Variants in ABCB9 observed in about 807,000 individuals in gnomAD.
ABCB9 encodes ABC-type oligopeptide transporter ABCB9.
Under a neutral mutation model 62.0 loss-of-function variants are expected in ABCB9, and 36 were observed. The ratio of observed to expected loss-of-function variants is 0.58; its 90% CI spans 0.45 to 0.77. The LOEUF is 0.77. ABCB9 is among the 30% of genes least tolerant of loss of function. The pLI, the probability that ABCB9 is intolerant of heterozygous loss-of-function variation, is 0.00. For missense variants in ABCB9, 943 were observed against 1,054.7 expected, an observed-to-expected ratio of 0.89 and a Z score of 1.47; for synonymous variants, 435 against 461.4, an observed-to-expected ratio of 0.94 and a Z score of 0.73.
At position 122,949,743 on chromosome 12, in the gene ABCB9, G is replaced by C. The variant is rs373845266; in HGVS notation, c.847+45C>G. 1.1e-5 allele frequency: 18 copies of C among 1,609,772 alleles called. No individual in the cohort carries two copies. In the African/African-American group the frequency reaches 2.1e-4, roughly 19 times the overall value. ...CTCAGTGCCAGGCAAGCCCACAGGG[G>C]TGGGGCCCAGCCCCCAGGACACCTA... On this transcript the variant is annotated intron_variant, in intron 4 of 11. Coordinates refer to ENST00000280560, the MANE Select transcript of ABCB9 (RefSeq NM_019625.4).
Position 122,960,066 on chromosome 12 carries a change from C to G in ABCB9, c.170G>C (p.Arg57Pro). ...GGTGGCTCCCAGCAGCAGGCAGCTG[C>G]GGTACAGGCAGGCTGCCCAGAGATC... ...VLDLWAACLY[R>P]SCLLLGATIG... Residue 57 changes from arginine to proline, a missense_variant, in exon 2 of 12, where the codon CGC becomes CCC. Physicochemically the swap from Arg to Pro is moderately radical, Grantham distance 103 (BLOSUM62 -2). Transcript: ENST00000280560. 1 of 1,613,490 alleles carries G rather than the reference C, an allele frequency of 6.2e-7. No homozygotes were observed. The highest frequency in any genetic ancestry group is 1.3e-5 in the African/African-American group (1 of 75,060).
At chr12:122,943,747 G>A (rs960397475) in intron 7 of ABCB9, among the ~76,000 whole-genome samples, 2 of 150,718 alleles carry the variant, frequency 1.3e-5, no homozygotes, top group African/African-American at 2.4e-5. Context: ...CTCCTGCCTC[G>A]GCCTCCTGAG....
chr12:122,920,906 CCT>C (rs963848867), downstream of ABCB9: 18 of 990,862 alleles, frequency 1.8e-5, no homozygotes, highest in Admixed American at 4.2e-5. Context: ...GAGTGAGACC[CCT>C]GTCTTAAAAA....
rs182773005 is a variant in ABCB9, at chr12:122,955,244, G to C, written c.601+4391C>G. Among the ~76,000 whole-genome samples the C allele has an allele frequency of 5.3e-5, 8 of 152,300 alleles. No individual in the cohort carries two copies. The East Asian group carries it at 1.5e-3, about 29-fold the overall frequency. ...TGCCTAAAGTTATCAGTGAAGTCGG[G>C]AGCCTGAGCCTCGAGTCTGCGCCCT... On this transcript the variant is annotated intron_variant, in intron 2 of 11. Transcript: ENST00000280560.
downstream of ABCB9, chr12:122,924,527 G>C (rs1449075648): frequency 2.7e-6 from 3 of 1,116,506 alleles, no homozygotes; most frequent in African/African-American, 4.8e-5. Context: ...TCTATGCTCA[G>C]CTCAAACATT....
At chr12:122,961,607 G>C (rs548385724) in intron 1 of ABCB9, among the ~76,000 whole-genome samples, 1 of 152,314 alleles carries the variant, frequency 6.6e-6, no homozygotes, top group African/African-American at 2.4e-5. Flanking sequence ...AAAGCACTTG[G>C]CACAGGTGAA....
chr12:122,957,973 T>C (rs550943915), intron 2 of ABCB9, among the ~76,000 whole-genome samples: 1 of 151,124 alleles, frequency 6.6e-6, no homozygotes, highest in East Asian at 2.0e-4. Context: ...AGTTTGAGAC[T>C]AGCCTGGCCA....
intron 4 of ABCB9, 143 bp downstream of exon 4, chr12:122,949,645 G>A: frequency 1.1e-5 from 13 of 1,138,672 alleles, no homozygotes; most frequent in Non-Finnish European, 1.6e-5. Context: ...CCAAGCCCAG[G>A]GTGTTCCCAG....
Position 122,947,675 on chromosome 12 carries a change from C to T in ABCB9, c.1053+949G>A, listed in dbSNP as rs1440688734. 2 of 285,736 alleles carry T rather than the reference C, an allele frequency of 7.0e-6. No individual in the cohort carries two copies. The highest frequency in any genetic ancestry group is 1.5e-5 in the Non-Finnish European group (2 of 136,192). The allele number at this position is 285,736 out of a possible 1,614,324, so 17.7% of individuals were successfully genotyped here. A position where few individuals can be genotyped will look rare whatever the true frequency, so the allele number is the denominator to read the frequency against. On this transcript the variant is annotated intron_variant, in intron 5 of 11. Transcript: ENST00000280560. The surrounding 1 kb of genome is among the most constrained non-coding windows in gnomAD (Gnocchi z 6.0). ...AGGAGGAGGGTGAGGTCAAACCTGG[C>T]TCACGGCCCTAGCTCGGAAGCAGAA...
rs778268326 is a variant in ABCB9 at position 122,959,687 on chromosome 12, G to T, written c.549C>A (p.Pro183=). Residue 183 remains proline, a synonymous_variant, in exon 2 of 12, where the codon CCC becomes CCA. Coordinates refer to ENST00000280560, the MANE Select transcript of ABCB9 (RefSeq NM_019625.4). The surrounding 1 kb of genome is among the most constrained non-coding windows in gnomAD (Gnocchi z 5.4). ...AGGCGGCCACGAGGAAGGCCACGTC[G>T]GGCTTGGTGTAGGAGAGCAGCTTCT... The part of the protein sequence containing the change: ...TLQKLLSYTK[P]DVAFLVAASF... 9 of 1,592,256 alleles carry T rather than the reference G, an allele frequency of 5.7e-6. No homozygotes were observed. The highest frequency in any genetic ancestry group is 1.3e-5 in the African/African-American group (1 of 74,472).
rs781695219 is a variant in ABCB9, at chr12:122,959,766, C to G, written c.470G>C (p.Gly157Ala). The change falls in exon 2 of 12, where the codon GGC (glycine) becomes GCC (alanine). Residue 157 changes from glycine (G) to alanine (A), a missense_variant. Transcript: ENST00000280560. This position sits in a 1 kb window ranked among gnomAD's most constrained non-coding sequence, Gnocchi z 5.4. ...LEPGAATEAE[G>A]FPGSGRPPPE... ...CGGTGGCCGGCCGCTCCCAGGGAAG[C>G]CCTCAGCCTCGGTGGCCGCCCCTGG... The G allele has an allele frequency of 1.9e-6, 3 of 1,612,032 alleles. No homozygotes were observed. In the Admixed American group the frequency reaches 5.0e-5, roughly 27 times the overall value.
At chr12:122,954,784 C>T (rs186838405) in intron 2 of ABCB9, among the ~76,000 whole-genome samples, 1 of 152,340 alleles carries the variant, frequency 6.6e-6, no homozygotes, top group East Asian at 1.9e-4. Context: ...TGAGCTGCTG[C>T]ACTTGGCCTC....
chr12:122,961,485 C>T (rs746875705), intron 1 of ABCB9, among the ~76,000 whole-genome samples: 3 of 152,100 alleles, frequency 2.0e-5, no homozygotes, highest in South Asian at 2.1e-4. Flanking sequence ...AGCCACTGTG[C>T]GGGGCCAGAG....
In ABCB9 at chr12:122,944,211, G is replaced by A. The variant is rs1342937915; in HGVS notation, c.1380+180C>T. ...CCCAAAGTTCTGGGATTATAGGCGTGAGCCACCACGCCCTGCCTAGTATTA... is the reference window on the plus strand; with the variant it reads ...CCCAAAGTTCTGGGATTATAGGCGTAAGCCACCACGCCCTGCCTAGTATTA... On this transcript the variant is annotated intron_variant, in intron 7 of 11. Coordinates refer to ENST00000280560, the MANE Select transcript of ABCB9 (RefSeq NM_019625.4). The surrounding 1 kb of genome is among the most constrained non-coding windows in gnomAD (Gnocchi z 4.9). Among the ~76,000 whole-genome samples, 3 of 152,110 alleles carry A rather than the reference G, an allele frequency of 2.0e-5. No homozygotes were observed. Among genetic ancestry groups the A allele is most frequent in the African/African-American group, 7.2e-5 (3 of 41,420 alleles).
intron 7 of ABCB9, among the ~76,000 whole-genome samples, chr12:122,942,307 G>A (rs2035802580): frequency 3.3e-5 from 5 of 151,972 alleles, no homozygotes; most frequent in Admixed American, 3.3e-4. Flanking sequence ...CCCAGAGCTG[G>A]CCGGGCACAG....
downstream of ABCB9, among the ~76,000 whole-genome samples, chr12:122,919,009 C>T (rs752978679): frequency 6.6e-6 from 1 of 152,152 alleles, no homozygotes; most frequent in African/African-American, 2.4e-5. Context: ...CCTTCCCTGC[C>T]TGGCATCTTT....
chr12:122,965,400 C>T (rs548472655), intron 1 of ABCB9, among the ~76,000 whole-genome samples: 4 of 152,370 alleles, frequency 2.6e-5, no homozygotes, highest in Non-Finnish European at 5.9e-5. Context: ...AAAGCACTGA[C>T]TGACAGAGGC....
chr12:122,946,299 G>A, intron 5 of ABCB9, 77 bp from the exon 6 acceptor site: 1 of 1,513,174 alleles, frequency 6.6e-7, no homozygotes, highest in Admixed American at 1.8e-5. Context: ...AGGCCTCTCT[G>A]GGTTTTTCCA....
At chr12:122,919,263 C>T (rs1006903449), downstream of ABCB9, among the ~76,000 whole-genome samples, 1 of 152,134 alleles carries the variant, frequency 6.6e-6, no homozygotes, top group Non-Finnish European at 1.5e-5. Context: ...CCTCAACCTC[C>T]TTGAGCTCAA....
Sources: gnomAD v4.1 joint callset for allele counts (sites outside exome capture counted in the v4.1 genomes callset) on GRCh38, gnomAD v4.1.1 for gene constraint, Gnocchi (gnomAD v3.1) non-coding constraint, MANE v1.5 for transcripts, NCBI Gene and HGNC (gene_info 2026-07-23, HGNC 2026-07-21) for gene names.